Variants in NPIPB11 observed in about 807,000 individuals in gnomAD.
NPIPB11 encodes nuclear pore complex-interacting protein family member B11.
NPIPB11 carries 17 observed loss-of-function variants against 32.8 expected under a neutral mutation model. That is an observed-to-expected ratio of 0.52 (90% CI 0.35 to 0.78). The LOEUF (loss-of-function observed/expected upper bound fraction) is 0.78. NPIPB11 is among the 30% of genes least tolerant of loss of function. The pLI is 0.01. For synonymous variants in NPIPB11, 209 were observed against 398.4 expected (o/e 0.52, Z 5.66); for missense variants, 537 against 1,000.4 (o/e 0.54, Z 6.25).
chr16:29,394,448 GAGAC>G, intron 2 of NPIPB11, among the ~76,000 whole-genome samples: 1 of 78,976 alleles, frequency 1.3e-5, no homozygotes, highest in South Asian at 3.7e-4. Context: ...TTTTTTTTTT[GAGAC>G]AGAGTTCCGC....
chr16:29,399,647 G>A (rs1302371640), intron 2 of NPIPB11, among the ~76,000 whole-genome samples: 2 of 152,136 alleles, frequency 1.3e-5, no homozygotes, highest in East Asian at 1.9e-4. Flanking sequence ...GCAGTGAGCC[G>A]AGATTGCACC....
intron 2 of NPIPB11, 63 bp from the exon 3 acceptor site, chr16:29,394,139 A>T (rs2142129813): frequency 6.4e-7 from 1 of 1,563,854 alleles, no homozygotes; most frequent in Admixed American, 1.7e-5. Flanking sequence ...TCACTCAGAA[A>T]GAATCATCCT....
At chr16:29,400,843 G>A (rs1963971563) in intron 2 of NPIPB11, among the ~76,000 whole-genome samples, 1 of 152,112 alleles carries the variant, frequency 6.6e-6, no homozygotes, top group Non-Finnish European at 1.5e-5. Flanking sequence ...ATCGGAGGTG[G>A]CAGGTGTAGG....
At chr16:29,389,038 T>C (rs1963638859) in intron 5 of NPIPB11, among the ~76,000 whole-genome samples, 1 of 150,314 alleles carries the variant, frequency 6.7e-6, no homozygotes, top group South Asian at 2.1e-4. Flanking sequence ...CTACTAAAAA[T>C]ACAAAAATTA....
chr16:29,388,967 T>G (rs1479645381), intron 5 of NPIPB11, among the ~76,000 whole-genome samples: 1 of 139,228 alleles, frequency 7.2e-6, no homozygotes, highest in Non-Finnish European at 1.6e-5. Flanking sequence ...GAGGCCGAGG[T>G]GTGCGGATCA....
Position 29,390,385 on chromosome 16 carries a change from G to A in NPIPB11, c.250-37C>T, listed in dbSNP as rs547326352. ...TAATATAAGAATGACGGCTGGGCAC[G>A]GTGGCTCATGCGTATAATCCCAGTA... is the stretch of plus-strand genomic sequence containing the variant. On this transcript the variant is annotated intron_variant, in intron 3 of 7. Transcript: ENST00000524087. 2.1e-5 allele frequency: 33 copies of A among 1,581,980 alleles called. No individual in the cohort carries two copies. In the East Asian group the frequency reaches 4.0e-4, roughly 19 times the overall value.
chr16:29,397,468 C>T (rs1381032868), intron 2 of NPIPB11: 7 of 1,252,682 alleles, frequency 5.6e-6, no homozygotes, highest in East Asian at 6.9e-5. Flanking sequence ...ACCTCGGCCC[C>T]CTAAAGTGCT....
At chr16:29,397,436 C>G (rs1306949576) in intron 2 of NPIPB11, 1 of 980,132 alleles carries the variant, frequency 1.0e-6, no homozygotes, top group Non-Finnish European at 1.4e-6. Flanking sequence ...GTCTTCAACG[C>G]CTGGACTCAA....
chr16:29,400,343 A>T (rs966229006), intron 2 of NPIPB11, among the ~76,000 whole-genome samples: 1 of 151,866 alleles, frequency 6.6e-6, no homozygotes, highest in Admixed American at 6.6e-5. Context: ...CCTCCCTTGC[A>T]GGGGGTCCCT....
chr16:29,395,117 T>G (rs1179256423), intron 2 of NPIPB11, among the ~76,000 whole-genome samples: 1 of 121,124 alleles, frequency 8.3e-6, no homozygotes, highest in Admixed American at 9.1e-5. Context: ...CTGGGCCACA[T>G]GCAGCCCGTC....
chr16:29,405,315 C>G (rs1027864779), upstream of NPIPB11, among the ~76,000 whole-genome samples: 13 of 151,704 alleles, frequency 8.6e-5, no homozygotes, highest in African/African-American at 3.2e-4. Flanking sequence ...TCCAAGACTG[C>G]CAAATACTTG....
exon 8 of NPIPB11, chr16:29,382,160 G>C (rs1469033054): frequency 1.2e-5 from 6 of 494,158 alleles, no homozygotes; most frequent in East Asian, 6.2e-5. Flanking sequence ...GCAGACGCTC[G>C]GCAGGTGTCT....
At chr16:29,405,156 G>A (rs1012394009), upstream of NPIPB11, among the ~76,000 whole-genome samples, 2 of 151,940 alleles carry the variant, frequency 1.3e-5, no homozygotes, top group Admixed American at 6.6e-5. Flanking sequence ...AAACATTAGT[G>A]CAAATGTTGC....
At chr16:29,406,640 G>A (rs551686686), upstream of NPIPB11, among the ~76,000 whole-genome samples, 81 of 152,268 alleles carry the variant, frequency 5.3e-4, no homozygotes, top group Non-Finnish European at 1.0e-3. Flanking sequence ...CTTGAACCCA[G>A]GAGGCGGAGG....
chr16:29,383,003 G>A (rs745602770), exon 8 of NPIPB11: 4 of 1,606,222 alleles, frequency 2.5e-6, no homozygotes, highest in Non-Finnish European at 3.4e-6. Flanking sequence ...CGCTCGGAAG[G>A]TGTCTTGAGA....
chr16:29,397,531 A>G (rs1963887745), intron 2 of NPIPB11: 5 of 1,504,880 alleles, frequency 3.3e-6, no homozygotes, highest in Non-Finnish European at 4.5e-6. Flanking sequence ...CAGCCCAGTA[A>G]AAAGGAAGAA....
intron 3 of NPIPB11, among the ~76,000 whole-genome samples, chr16:29,392,682 C>T (rs1255926404): frequency 4.7e-5 from 7 of 149,524 alleles, no homozygotes; most frequent in Non-Finnish European, 1.0e-4. Flanking sequence ...TATACTCCAG[C>T]CTGGGCAACA....
chr16:29,402,067 G>C (rs1463422956), intron 2 of NPIPB11, among the ~76,000 whole-genome samples: 1 of 151,348 alleles, frequency 6.6e-6, no homozygotes, highest in African/African-American at 2.4e-5. Context: ...GCCTCTTATT[G>C]ACTGTAACCT....
chr16:29,399,749 G>A (rs1239259755), intron 2 of NPIPB11, among the ~76,000 whole-genome samples: 1 of 150,964 alleles, frequency 6.6e-6, no homozygotes, highest in Admixed American at 6.6e-5. Flanking sequence ...CAAAACTATG[G>A]AATTCAATTC....
Sources: gnomAD v4.1 joint callset for allele counts (sites outside exome capture counted in the v4.1 genomes callset) on GRCh38, gnomAD v4.1.1 for gene constraint, MANE v1.5 for transcripts, NCBI Gene and HGNC (gene_info 2026-07-23, HGNC 2026-07-21) for gene names.